Variants in SPINK5 observed in about 807,000 individuals in gnomAD.
SPINK5 encodes the protein serine peptidase inhibitor Kazal type 5.
Under a neutral mutation model 151.8 loss-of-function variants are expected in SPINK5, and 125 were observed. That is an observed-to-expected ratio of 0.82 (90% CI 0.71 to 0.96). The LOEUF (loss-of-function observed/expected upper bound fraction) is 0.96. Among genes scored for constraint, SPINK5 ranks in the 40% least tolerant of loss-of-function variants. The pLI, the probability that SPINK5 is intolerant of heterozygous loss-of-function variation, is 0.00. For missense variants in SPINK5, 1,194 were observed against 1,291.9 expected, an observed-to-expected ratio of 0.92 and a Z score of 1.16; for synonymous variants, 374 against 395.3, an observed-to-expected ratio of 0.95 and a Z score of 0.64.
intron 22 of SPINK5, among the ~76,000 whole-genome samples, chr5:148,117,676 T>G (rs576577881): frequency 1.3e-4 from 20 of 152,312 alleles, no homozygotes; most frequent in African/African-American, 4.8e-4. Flanking sequence ...ACTTAATTTT[T>G]TTTCAACCAA....
intron 2 of SPINK5, among the ~76,000 whole-genome samples, chr5:148,068,415 T>C (rs1484223553): frequency 1.3e-5 from 2 of 151,940 alleles, no homozygotes; most frequent in African/African-American, 2.4e-5. Flanking sequence ...TTCTACCTAA[T>C]GCTGTATCTA....
At chr5:148,123,390 A>ATATATAGATATAATATAT (rs1754325823) in intron 26 of SPINK5, among the ~76,000 whole-genome samples, 10 of 55,504 alleles carry the variant, frequency 1.8e-4, no homozygotes, top group Admixed American at 4.8e-4. Flanking sequence ...AAGATTATAT[A>ATATATAGATATAATATAT]TATATATAGA....
At chr5:148,100,740 G>A (rs1318573920) in intron 13 of SPINK5, among the ~76,000 whole-genome samples, 159 bp downstream of exon 13, 3 of 152,152 alleles carry the variant, frequency 2.0e-5, no homozygotes, top group Non-Finnish European at 4.4e-5. Flanking sequence ...GAAAATCCAT[G>A]TCCTTTGAAG....
chr5:148,097,690 C>T lies in SPINK5; in HGVS notation c.883-177C>T, dbSNP rs146603646. On this transcript the variant is annotated intron_variant, in intron 10 of 32. Coordinates refer to ENST00000256084, the MANE Select transcript of SPINK5 (RefSeq NM_006846.4). ...TTTATATATTCCTAACTTAAGCATT[C>T]GTTGAAAATGTAAATGGATATTACA... Among the ~76,000 whole-genome samples, 1,397 of 152,008 alleles carry T rather than the reference C, an allele frequency of 9.2e-3. 25 individuals carry two copies. The highest frequency in any genetic ancestry group is 0.032 in the African/African-American group (1,329 of 41,492).
At chr5:148,084,235 G>A (rs1753095302) in intron 4 of SPINK5, among the ~76,000 whole-genome samples, 1 of 151,752 alleles carries the variant, frequency 6.6e-6, no homozygotes, top group South Asian at 2.1e-4. Flanking sequence ...AATTCAGTTA[G>A]GTAGTGTTCA....
intron 8 of SPINK5, among the ~76,000 whole-genome samples, chr5:148,091,862 T>A (rs956003944): frequency 6.6e-6 from 1 of 151,836 alleles, no homozygotes; most frequent in African/African-American, 2.4e-5. Context: ...TTATTCAATC[T>A]AGTATAAAAA....
chr5:148,112,512 A>C (rs1211525682), intron 19 of SPINK5, among the ~76,000 whole-genome samples: 51 of 152,072 alleles, frequency 3.4e-4, no homozygotes, highest in Non-Finnish European at 1.6e-4. Context: ...ACCTTTACTA[A>C]AAATATAAAA....
chr5:148,095,065 G>T (rs1753419344), intron 9 of SPINK5, among the ~76,000 whole-genome samples: 1 of 151,860 alleles, frequency 6.6e-6, no homozygotes, highest in South Asian at 2.1e-4. Context: ...GTTCCTCCCG[G>T]TCTTGGCCAG....
At chr5:148,136,884 T>A (rs1398198299) in intron 32 of SPINK5, 99 bp from the exon 33 acceptor site, 10 of 1,451,734 alleles carry the variant, frequency 6.9e-6, no homozygotes, top group Non-Finnish European at 8.7e-6. Context: ...ATGCAGGATC[T>A]ATGGATTTCT....
chr5:148,119,748 G>A (rs1230730713), intron 24 of SPINK5, among the ~76,000 whole-genome samples: 1 of 152,062 alleles, frequency 6.6e-6, no homozygotes, highest in Non-Finnish European at 1.5e-5. Flanking sequence ...GATAATCCAG[G>A]GTAACTTCCC....
At chr5:148,125,455 A>G (rs1581108102) in intron 28 of SPINK5, 3 of 1,400,286 alleles carry the variant, frequency 2.1e-6, no homozygotes, top group Non-Finnish European at 3.0e-6. Context: ...GAAAGGAAGG[A>G]TGGATGAACG....
chr5:148,131,062 G>A (rs1319397405), intron 30 of SPINK5, among the ~76,000 whole-genome samples, 197 bp from the exon 31 acceptor site: 2 of 152,096 alleles, frequency 1.3e-5, no homozygotes, highest in African/African-American at 2.4e-5. Context: ...ACCTTGTCAA[G>A]TTAAAAATTG....
In SPINK5 at chr5:148,133,939, GT is replaced by G. The variant is rs779724296; in HGVS notation, c.3186+54del. ...ATGGTTACGTTGTGAGGAGCACTGG[GT>G]TCTGGTTTTGTTCTCTTCCACTGAG... On this transcript the variant is annotated intron_variant, in intron 32 of 32. Transcript: ENST00000256084. 3 of 1,590,836 alleles carry G rather than the reference GT, an allele frequency of 1.9e-6. No individual in the cohort carries two copies. In the East Asian group the frequency reaches 6.7e-5, roughly 36 times the overall value.
intron 4 of SPINK5, among the ~76,000 whole-genome samples, chr5:148,073,650 C>T (rs566618901): frequency 6.6e-6 from 1 of 151,542 alleles, no homozygotes; most frequent in African/African-American, 2.4e-5. Flanking sequence ...GCAAAATACA[C>T]ACAAACATAC....
chr5:148,083,159 G>A (rs1753064633), intron 4 of SPINK5, among the ~76,000 whole-genome samples: 1 of 151,126 alleles, frequency 6.6e-6, no homozygotes. Context: ...TCTTGTTCTT[G>A]TCATTTTTTA....
In SPINK5 at chr5:148,137,032, C is replaced by T; in HGVS notation, c.*41C>T. ...AAGCCATGAGGGAAAAAATAAACCC[C>T]AGTTCTGAATCACCTACCTTCACCA... On this transcript the variant is annotated 3_prime_UTR_variant, in exon 33 of 33. Transcript: ENST00000256084. 6.2e-7 allele frequency: 1 copy of T among 1,612,482 alleles called. No individual in the cohort carries two copies. Among genetic ancestry groups the T allele is most frequent in the African/African-American group, 1.3e-5 (1 of 74,974 alleles).
At chr5:148,125,570 G>A in intron 28 of SPINK5, 153 bp from the exon 29 acceptor site, 1 of 1,613,992 alleles carries the variant, frequency 6.2e-7, no homozygotes, top group Non-Finnish European at 8.5e-7. Context: ...GCAAAATTTA[G>A]ACAACCTGGG....
chr5:148,103,955 T>C (rs1406753224), intron 15 of SPINK5, among the ~76,000 whole-genome samples: 2 of 152,164 alleles, frequency 1.3e-5, no homozygotes, highest in Non-Finnish European at 2.9e-5. Context: ...CAAGCTCAAT[T>C]TGCAACACTG....
chr5:148,081,327 C>A (rs1753012646), intron 4 of SPINK5, among the ~76,000 whole-genome samples: 2 of 151,628 alleles, frequency 1.3e-5, no homozygotes, highest in African/African-American at 4.8e-5. Context: ...TTTATAGCAA[C>A]AATGTTTTTA....
Sources: allele counts gnomAD v4.1 joint callset (sites outside exome capture counted in the v4.1 genomes callset), GRCh38; gene constraint gnomAD v4.1.1; transcripts MANE v1.5; gene names NCBI Gene and HGNC (gene_info 2026-07-23, HGNC 2026-07-21).